CGNL1: variants seen among roughly 807,000 people sequenced by gnomAD.
CGNL1 encodes cingulin-like protein 1.
In CGNL1, 132 loss-of-function variants were observed where a neutral mutation model predicts 141.2. The ratio of observed to expected loss-of-function variants is 0.93; its 90% CI spans 0.81 to 1.08. CGNL1 has a LOEUF of 1.08. Among genes scored for constraint, CGNL1 ranks in the 50% least tolerant of loss-of-function variants. The pLI is 0.00. For synonymous variants in CGNL1, 690 were observed against 622.1 expected (o/e 1.11, Z -1.63); for missense variants, 1,870 against 1,588.6 (o/e 1.18, Z -3.01).
intron 1 of CGNL1, among the ~76,000 whole-genome samples, chr15:57,381,955 G>A (rs1338442358): frequency 6.6e-6 from 1 of 152,146 alleles, no homozygotes; most frequent in Non-Finnish European, 1.5e-5. Flanking sequence ...GTCTCTGAAC[G>A]GGTCCCACAT....
chr15:57,540,820 T>C (rs1219490373), intron 14 of CGNL1, among the ~76,000 whole-genome samples: 1 of 152,236 alleles, frequency 6.6e-6, no homozygotes, highest in African/African-American at 2.4e-5. Context: ...AGACACATCA[T>C]GTCGTTTGAA....
intron 7 of CGNL1, among the ~76,000 whole-genome samples, chr15:57,460,056 A>G (rs1400315640): frequency 6.6e-6 from 1 of 152,228 alleles, no homozygotes; most frequent in Non-Finnish European, 1.5e-5. Flanking sequence ...CAAAGTTGCA[A>G]TCTTGGAGAT....
At chr15:57,520,374 T>C (rs1379740052) in intron 10 of CGNL1, among the ~76,000 whole-genome samples, 1 of 152,220 alleles carries the variant, frequency 6.6e-6, no homozygotes, top group Non-Finnish European at 1.5e-5. Flanking sequence ...AAAAAGTAAC[T>C]GGTGTTTTTC....
Position 57,434,028 on chromosome 15 carries a change from G to C in CGNL1, c.-15-3957G>C, listed in dbSNP as rs564638318. On this transcript the variant is annotated intron_variant, in intron 1 of 18. Coordinates refer to ENST00000281282, the MANE Select transcript of CGNL1 (RefSeq NM_032866.5). ...GTCCTTCATTCTTAAATAGGATCAG[G>C]CAGTCAGGGTTCATCAGGTGTATTA... Among the ~76,000 whole-genome samples the C allele has an allele frequency of 1.1e-4, 16 of 139,640 alleles. No homozygotes were observed. The South Asian group carries it at 4.1e-3, about 36-fold the overall frequency. 91.6% of individuals were successfully genotyped at this position (139,640 alleles called of 152,430 possible).
chr15:57,498,913 G>A (rs1277507763), intron 8 of CGNL1, among the ~76,000 whole-genome samples: 1 of 148,612 alleles, frequency 6.7e-6, no homozygotes, highest in Non-Finnish European at 1.5e-5. Flanking sequence ...GGAAGGGTAC[G>A]TAGATGATAC....
intron 8 of CGNL1, among the ~76,000 whole-genome samples, chr15:57,494,031 G>C (rs571277538): frequency 1.3e-5 from 2 of 152,340 alleles, no homozygotes; most frequent in South Asian, 4.1e-4. Context: ...AGAAGAATGA[G>C]ATGGACAATA....
In CGNL1 at chr15:57,451,546, G is replaced by A; in HGVS notation, c.1850G>A (p.Ser617Asn). The stretch of plus-strand genomic sequence containing the variant: ...GTCAAAGATCTATTGGAACAGAAAA[G>A]CAAGTTGACCATAGAAGTGGCTGAA... ...SEVKDLLEQK[S>N]KLTIEVAELQ... Residue 617 changes from serine to asparagine, a missense_variant, in exon 5 of 19, where the codon AGC (serine) becomes AAC (asparagine). Ser to Asn is a conservative substitution (Grantham distance 46). Transcript: ENST00000281282. 1 of 1,613,428 alleles carries A rather than the reference G, an allele frequency of 6.2e-7. No individual in the cohort carries two copies. Among genetic ancestry groups the A allele is most frequent in the Middle Eastern group, 1.7e-4 (1 of 6,056 alleles).
Position 57,524,723 on chromosome 15 carries a change from G to A in CGNL1, c.3011G>A (p.Arg1004Gln), listed in dbSNP as rs146924036. 4.6e-5 allele frequency: 75 copies of A among 1,614,158 alleles called. No individual in the cohort carries two copies. The African/African-American group carries it at 4.8e-4, about 10-fold the overall frequency. Residue 1004 changes from arginine to glutamine, a missense_variant, in exon 12 of 19, where the codon CGA becomes CAA. Arg to Gln is a conservative substitution (Grantham distance 43). Transcript: ENST00000281282. ...AAAACGCTGGAGGCAGAAAAGTCCC[G>A]ACTGACAGCCATGAAAATGCAGGAT... ...KEKTLEAEKS[R>Q]LTAMKMQDEM...
rs145702462 is a variant in CGNL1, at chr15:57,516,970, C to T, written c.2594C>T (p.Thr865Met). 1.6e-4 allele frequency: 265 copies of T among 1,613,206 alleles called. No homozygotes were observed. The Admixed American group carries it at 3.3e-3, about 20-fold the overall frequency. ...LKGDEAKAKE[T>M]LKKYEGEIRQ... ...GGCGATGAAGCCAAGGCGAAGGAAA[C>T]GCTGAAGAAGTACGAGGTGAGGCTC... The change falls in exon 9 of 19, where the codon ACG becomes ATG. Residue 865 changes from threonine (T) to methionine (M), a missense_variant. Coordinates refer to ENST00000281282, the MANE Select transcript of CGNL1 (RefSeq NM_032866.5).
At chr15:57,419,611 C>T (rs1329764081) in intron 1 of CGNL1, among the ~76,000 whole-genome samples, 1 of 152,070 alleles carries the variant, frequency 6.6e-6, no homozygotes, top group Admixed American at 6.6e-5. Flanking sequence ...CATGATTAGA[C>T]TGCGATTAGG....
chr15:57,489,622 T>C (rs2063830747), intron 8 of CGNL1, among the ~76,000 whole-genome samples: 1 of 152,246 alleles, frequency 6.6e-6, no homozygotes, highest in Admixed American at 6.5e-5. Flanking sequence ...TTTATTCTTT[T>C]GCATGTAGAT....
chr15:57,407,757 T>G (rs1788844609), intron 1 of CGNL1, among the ~76,000 whole-genome samples: 1 of 151,666 alleles, frequency 6.6e-6, no homozygotes, highest in African/African-American at 2.4e-5. Context: ...ATTTTTTTTT[T>G]TTTTTTTTGA....
intron 1 of CGNL1, among the ~76,000 whole-genome samples, chr15:57,386,855 G>A (rs1340907435): frequency 6.6e-6 from 1 of 152,178 alleles, no homozygotes; most frequent in Non-Finnish European, 1.5e-5. Context: ...TTTTTACTCA[G>A]ATGAAGAGCT....
intron 8 of CGNL1, among the ~76,000 whole-genome samples, chr15:57,471,049 A>T (rs1323758427): frequency 6.6e-6 from 1 of 152,228 alleles, no homozygotes; most frequent in Non-Finnish European, 1.5e-5. Flanking sequence ...AAGAGTTAAC[A>T]ATTAGAATTG....
intron 8 of CGNL1, among the ~76,000 whole-genome samples, chr15:57,499,513 C>T (rs1044024378): frequency 1.3e-5 from 2 of 152,158 alleles, no homozygotes; most frequent in Non-Finnish European, 2.9e-5. Flanking sequence ...GCTGGGATTA[C>T]AGGCGTGAGC....
intron 14 of CGNL1, 142 bp downstream of exon 14, chr15:57,531,921 C>A: frequency 1.7e-6 from 1 of 593,518 alleles, no homozygotes. Context: ...TAGTCATCAC[C>A]ATAGTGAGCT....
At chr15:57,512,721 G>A (rs17820365) in intron 8 of CGNL1, among the ~76,000 whole-genome samples, 15 of 151,960 alleles carry the variant, frequency 9.9e-5, no homozygotes, top group African/African-American at 3.4e-4. Flanking sequence ...GTTAAATCAG[G>A]TCTGGTTTTC....
At chr15:57,385,163 G>A (rs2062469168) in intron 1 of CGNL1, among the ~76,000 whole-genome samples, 1 of 152,160 alleles carries the variant, frequency 6.6e-6, no homozygotes, top group Non-Finnish European at 1.5e-5. Context: ...TGCAGTTGAG[G>A]ACCAAATACC....
At chr15:57,470,604 A>G (rs1399249166) in intron 8 of CGNL1, among the ~76,000 whole-genome samples, 2 of 152,198 alleles carry the variant, frequency 1.3e-5, no homozygotes, top group Non-Finnish European at 2.9e-5. Context: ...GCTGTAGAAG[A>G]CAAAGATATG....
Sources: gnomAD v4.1 joint callset for allele counts (sites outside exome capture counted in the v4.1 genomes callset) on GRCh38, gnomAD v4.1.1 for gene constraint, MANE v1.5 for transcripts, NCBI Gene and HGNC (gene_info 2026-07-23, HGNC 2026-07-21) for gene names.